Variants in ZNF787 observed in about 807,000 individuals in gnomAD.
ZNF787 encodes the protein TTF-I-interacting peptide 20.
A neutral mutation model predicts 16.9 loss-of-function variants in ZNF787; 7 were observed. The ratio of observed to expected loss-of-function variants is 0.42; its 90% confidence interval spans 0.24 to 0.78. ZNF787 has a LOEUF of 0.78. Ranked by LOEUF, ZNF787 falls within the 30% of genes least tolerant of loss-of-function variation. The pLI is 0.30. For synonymous variants in ZNF787, 345 were observed against 270.9 expected, an observed-to-expected ratio of 1.27 and a Z score of -2.69; for missense variants, 551 against 589.3, an observed-to-expected ratio of 0.94 and a Z score of 0.67.
chr19:56,105,240 C>T (rs949755035), intron 1 of ZNF787, among the ~76,000 whole-genome samples: 2 of 152,160 alleles, frequency 1.3e-5, no homozygotes. Context: ...GGAACCTGAA[C>T]CCTCGCACAG....
chr19:56,100,695 A>G (rs1348031198), intron 2 of ZNF787, among the ~76,000 whole-genome samples: 1 of 148,004 alleles, frequency 6.8e-6, no homozygotes, highest in Non-Finnish European at 1.5e-5. Flanking sequence ...GGACGCACAT[A>G]AGCGGGACCC....
chr19:56,088,478 C>T lies in ZNF787; in HGVS notation c.694G>A (p.Glu232Lys), dbSNP rs1012875111. ...CCATCGCCCACGGGGATGGCGATCTCGCCGTCCGCCGCCACCGCCTCTTCG... is the reference window on the plus strand; with the variant it reads ...CCATCGCCCACGGGGATGGCGATCTTGCCGTCCGCCGCCACCGCCTCTTCG... The part of the protein sequence containing the change: ...GPEEAVAADG[E>K]IAIPVGDGEG... The change falls in exon 3 of 3, where the codon GAG (glutamate) becomes AAG (lysine). Residue 232 changes from glutamate to lysine, a missense_variant. Coordinates refer to ENST00000610935, the MANE Select transcript of ZNF787 (RefSeq NM_001002836.4). This position sits in a 1 kb window ranked among gnomAD's most constrained non-coding sequence, Gnocchi z 8.6. 7.5e-7 allele frequency: 1 copy of T among 1,339,174 alleles called. No individual in the cohort carries two copies. Among genetic ancestry groups the T allele is most frequent in the Non-Finnish European group, 9.6e-7 (1 of 1,047,082 alleles). The allele number at this position is 1,339,174 out of a possible 1,614,324, so 83.0% of individuals were successfully genotyped here. A position where few individuals can be genotyped will look rare whatever the true frequency, so the allele number is the denominator to read the frequency against.
chr19:56,099,880 G>A (rs1273616796), intron 2 of ZNF787, among the ~76,000 whole-genome samples: 2 of 152,020 alleles, frequency 1.3e-5, no homozygotes, highest in Non-Finnish European at 2.9e-5. Flanking sequence ...TGGACAGGCG[G>A]CGGATTCTCG....
chr19:56,114,247 C>G (rs2123428813), intron 1 of ZNF787, among the ~76,000 whole-genome samples: 1 of 152,306 alleles, frequency 6.6e-6, no homozygotes, highest in Non-Finnish European at 1.5e-5. Context: ...CAGGCTCAGT[C>G]CTGGCCAGGC....
intron 1 of ZNF787, among the ~76,000 whole-genome samples, chr19:56,115,881 C>T (rs568743419): frequency 2.3e-3 from 352 of 152,268 alleles, no homozygotes; most frequent in Non-Finnish European, 4.1e-3. Context: ...CGAAGGCTTC[C>T]GGGTCTTAGG....
At position 56,088,965 on chromosome 19, in the gene ZNF787, G is replaced by T; in HGVS notation, c.207C>A (p.Asn69Lys). The T allele has an allele frequency of 6.5e-7, 1 of 1,545,582 alleles. No homozygotes were observed. Among genetic ancestry groups the T allele is most frequent in the Non-Finnish European group, 8.7e-7 (1 of 1,145,838 alleles). ...AGTGGCTAAAGCTCTTGCCACACTC[G>T]TTGCAGATGTAGGGGGCGGGCGGCC... ...RPRPPAPYIC[N>K]ECGKSFSHWS... The change falls in exon 3 of 3, where the codon AAC becomes AAA. Residue 69 changes from asparagine (N) to lysine (K), a missense_variant. Transcript: ENST00000610935. This position sits in a 1 kb window ranked among gnomAD's most constrained non-coding sequence, Gnocchi z 8.6.
rs758232437 is a variant in ZNF787, at chr19:56,088,074, G to A, written c.1098C>T (p.Asp366=). Residue 366 remains aspartate, a synonymous_variant, in exon 3 of 3, where the codon GAC becomes GAT. Transcript: ENST00000610935. The surrounding 1 kb of genome is among the most constrained non-coding windows in gnomAD (Gnocchi z 8.6). The part of the protein sequence containing the change: ...RAGGEEEDDD[D]EAAGGRCPEC... ...CGGGGCACCGCCCGCCCGCGGCCTC[G>A]TCGTCGTCGTCCTCCTCCTCCCCGC... 24 of 1,382,418 alleles carry A rather than the reference G, an allele frequency of 1.7e-5. No homozygotes were observed. Among genetic ancestry groups the A allele is most frequent in the African/African-American group, 3.3e-5 (2 of 61,248 alleles). 85.6% of individuals were successfully genotyped at this position (1,382,418 alleles called of 1,614,324 possible). A position where few individuals can be genotyped will look rare whatever the true frequency, so the allele number is the denominator to read the frequency against.
chr19:56,089,005 G>T lies in ZNF787; in HGVS notation c.167C>A (p.Pro56Gln). Residue 56 changes from proline to glutamine, a missense_variant, in exon 3 of 3, where the codon CCG becomes CAG. This residue lies in a region of ZNF787 where 80 missense variants were observed against 105.9 expected (regional missense o/e 0.76). Transcript: ENST00000610935. ...GGCGGGCGGCCGCGGCCGGGGAGGCGGGCCGGCTGGGGGCGCAGACTGGGG... is the reference window on the plus strand; with the variant it reads ...GGCGGGCGGCCGCGGCCGGGGAGGCTGGCCGGCTGGGGGCGCAGACTGGGG... ...SPPQSAPPAG[P>Q]PPRPRPPAPY... The T allele has an allele frequency of 6.7e-7, 1 of 1,489,680 alleles. No homozygotes were observed. The allele number at this position is 1,489,680 out of a possible 1,614,324, so 92.3% of individuals were successfully genotyped here.
rs766189988 is a variant in ZNF787, at chr19:56,088,565, G to A, written c.607C>T (p.Leu203=). 15 of 1,501,330 alleles carry A rather than the reference G, an allele frequency of 1.0e-5. No individual in the cohort carries two copies. The African/African-American group carries it at 2.2e-4, about 22-fold the overall frequency. 93.0% of individuals were successfully genotyped at this position (1,501,330 alleles called of 1,614,324 possible). ...LARHLRLHPE[L]SGPGVAAKVL... is the part of the protein sequence containing the mutation. Reference sequence around the variant, plus strand: ...TTGGCCGCCACGCCAGGCCCCGACAGCTCCGGGTGCAGCCGCAGGTGACGC... The same window carrying A: ...TTGGCCGCCACGCCAGGCCCCGACAACTCCGGGTGCAGCCGCAGGTGACGC... The change falls in exon 3 of 3, where the codon CTG becomes TTG. Residue 203 remains leucine (L), a synonymous_variant. Transcript: ENST00000610935. This position sits in a 1 kb window ranked among gnomAD's most constrained non-coding sequence, Gnocchi z 8.6.
chr19:56,090,110 TGTAA>T (rs953416599), intron 2 of ZNF787, among the ~76,000 whole-genome samples: 1 of 152,186 alleles, frequency 6.6e-6, no homozygotes, highest in Non-Finnish European at 1.5e-5. Context: ...CTTACTAGAC[TGTAA>T]GCTCCTAAGT....
chr19:56,112,878 T>TGGGCCCCCCCCCCC, intron 1 of ZNF787, among the ~76,000 whole-genome samples: 1 of 126,468 alleles, frequency 7.9e-6, no homozygotes, highest in South Asian at 2.9e-4. Context: ...GACCAGCCGT[T>TGGGCCCCCCCCCCC]CCCCCCACCC....
At chr19:56,101,514 G>GAACTTACTCA (rs2123407684) in intron 2 of ZNF787, 1 of 152,408 alleles carries the variant, frequency 6.6e-6, no homozygotes, top group East Asian at 1.9e-4. Flanking sequence ...AATTAAAGAT[G>GAACTTACTCA]AACTTACTCA....
chr19:56,114,234 C>T (rs1198499692), intron 1 of ZNF787, among the ~76,000 whole-genome samples: 5 of 152,286 alleles, frequency 3.3e-5, no homozygotes, highest in African/African-American at 1.2e-4. Flanking sequence ...CCTGATGCAC[C>T]GACAGGCTCA....
At position 56,087,950 on chromosome 19, in the gene ZNF787, C is replaced by G; in HGVS notation, c.*73G>C. On this transcript the variant is annotated 3_prime_UTR_variant, in exon 3 of 3. Transcript: ENST00000610935. ...GCACCCCGTCCGCTTCTCCCTGGGT[C>G]TCTTGGTCTTGCACGTCGTCGCTCC... 7.7e-7 allele frequency: 1 copy of G among 1,295,234 alleles called. No homozygotes were observed. The highest frequency in any genetic ancestry group is 2.0e-5 in the South Asian group (1 of 49,002). The allele number at this position is 1,295,234 out of a possible 1,614,324, so 80.2% of individuals were successfully genotyped here.
At chr19:56,107,325 G>A (rs147860627) in intron 1 of ZNF787, among the ~76,000 whole-genome samples, 2 of 152,204 alleles carry the variant, frequency 1.3e-5, no homozygotes, top group African/African-American at 2.4e-5. Context: ...CCACCACTAC[G>A]CTCGCCTCAG....
rs1985458790 is a variant in ZNF787, at chr19:56,088,893, G to A, written c.279C>T (p.Pro93=). 6.2e-7 allele frequency: 1 copy of A among 1,604,552 alleles called. No individual in the cohort carries two copies. Among genetic ancestry groups the A allele is most frequent in the Non-Finnish European group, 8.5e-7 (1 of 1,175,372 alleles). ...TCTTGCCGCAGTCGGCGCAGGCGTTGGGCCGCTCGCCGGTGTGCGTGCGCT... is the reference window on the plus strand; with the variant it reads ...TCTTGCCGCAGTCGGCGCAGGCGTTAGGCCGCTCGCCGGTGTGCGTGCGCT... ...RHQRTHTGER[P]NACADCGKTF... The change falls in exon 3 of 3, where the codon CCC becomes CCT. Residue 93 remains proline (P), a synonymous_variant. Transcript: ENST00000610935. This position sits in a 1 kb window ranked among gnomAD's most constrained non-coding sequence, Gnocchi z 8.6.
chr19:56,106,606 A>G (rs1378678455), intron 1 of ZNF787, among the ~76,000 whole-genome samples: 2 of 152,178 alleles, frequency 1.3e-5, no homozygotes, highest in East Asian at 3.9e-4. Flanking sequence ...CCTCACCCCC[A>G]GGTGGGTAGG....
chr19:56,109,505 A>C (rs2029918107), intron 1 of ZNF787, among the ~76,000 whole-genome samples: 1 of 152,152 alleles, frequency 6.6e-6, no homozygotes, highest in African/African-American at 2.4e-5. Context: ...GATTTTAGTT[A>C]CTTTTTCACA....
intron 1 of ZNF787, among the ~76,000 whole-genome samples, chr19:56,106,253 G>A (rs1057110851): frequency 6.6e-5 from 10 of 152,198 alleles, no homozygotes; most frequent in Non-Finnish European, 1.5e-4. Context: ...ATGGTGCTGC[G>A]GCGTGCCAGC....
Sources: allele counts gnomAD v4.1 joint callset (sites outside exome capture counted in the v4.1 genomes callset), GRCh38; gene constraint gnomAD v4.1.1; regional missense constraint gnomAD v4.1.1; non-coding constraint Gnocchi (gnomAD v3.1); transcripts MANE v1.5; gene names NCBI Gene and HGNC (gene_info 2026-07-23, HGNC 2026-07-21).